PPP1R12A: variants seen among roughly 807,000 people sequenced by gnomAD.
PPP1R12A encodes myosin binding subunit.
PPP1R12A carries 19 observed loss-of-function variants against 139.6 expected under a neutral mutation model. The ratio of observed to expected loss-of-function variants is 0.14; its 90% CI spans 0.09 to 0.20. The LOEUF (loss-of-function observed/expected upper bound fraction) is 0.20, where lower values mean the gene tolerates loss of function less well. Among genes scored for constraint, PPP1R12A ranks in the 10% least tolerant of loss-of-function variants. PPP1R12A has a pLI of 1.00. For missense variants in PPP1R12A, 925 were observed against 1,211.5 expected, an observed-to-expected ratio of 0.76 and a Z score of 3.51; for synonymous variants, 427 against 420.6, an observed-to-expected ratio of 1.02 and a Z score of -0.19.
chr12:79,865,663 T>TA (rs1881878064), intron 2 of PPP1R12A, among the ~76,000 whole-genome samples: 1 of 152,116 alleles, frequency 6.6e-6, no homozygotes, highest in African/African-American at 2.4e-5. Flanking sequence ...CAAGCATCCC[T>TA]ATACACCAAA....
At chr12:79,863,211 C>G (rs979939816) in intron 2 of PPP1R12A, among the ~76,000 whole-genome samples, 3 of 152,092 alleles carry the variant, frequency 2.0e-5, no homozygotes, top group Admixed American at 1.3e-4. Context: ...CATATCCAGC[C>G]AAACTAAGCT....
intron 2 of PPP1R12A, among the ~76,000 whole-genome samples, chr12:79,847,774 G>C (rs1354312108): frequency 6.6e-6 from 1 of 152,090 alleles, no homozygotes; most frequent in Non-Finnish European, 1.5e-5. Context: ...AGTCAGAAAA[G>C]GATTCTCTGA....
At chr12:79,871,303 C>G (rs1882542284) in intron 2 of PPP1R12A, among the ~76,000 whole-genome samples, 1 of 152,174 alleles carries the variant, frequency 6.6e-6, no homozygotes, top group African/African-American at 2.4e-5. Flanking sequence ...GTGACCCAAT[C>G]AAGTCTATGC....
intron 1 of PPP1R12A, among the ~76,000 whole-genome samples, chr12:79,898,030 A>G (rs1398799196): frequency 6.6e-6 from 1 of 152,238 alleles, no homozygotes; most frequent in Non-Finnish European, 1.5e-5. Flanking sequence ...CTACCAGCAG[A>G]TATTTTTTAA....
chr12:79,881,751 A>C (rs1403583348), intron 1 of PPP1R12A, among the ~76,000 whole-genome samples: 1 of 152,186 alleles, frequency 6.6e-6, no homozygotes, highest in Non-Finnish European at 1.5e-5. Context: ...TTATAGCTTG[A>C]GAGGAGAAAT....
At chr12:79,928,442 TTTTA>T (rs1224091928) in intron 1 of PPP1R12A, among the ~76,000 whole-genome samples, 5 of 152,082 alleles carry the variant, frequency 3.3e-5, no homozygotes, top group Non-Finnish European at 7.4e-5. Context: ...GTTGGGAGGG[TTTTA>T]TTTGTTTGTT....
At chr12:79,903,450 CAA>C (rs35870019) in intron 1 of PPP1R12A, among the ~76,000 whole-genome samples, 2 of 134,062 alleles carry the variant, frequency 1.5e-5, no homozygotes, top group Non-Finnish European at 1.7e-5. Flanking sequence ...GACTCCATCT[CAA>C]AAAAAAAAAA....
chr12:79,821,982 A>G, intron 6 of PPP1R12A, 134 bp downstream of exon 6: 3 of 580,396 alleles, frequency 5.2e-6, no homozygotes, highest in Non-Finnish European at 6.0e-6. Context: ...ATTCTCTTTC[A>G]CTATCATTTA....
intron 1 of PPP1R12A, among the ~76,000 whole-genome samples, chr12:79,891,081 A>G (rs1031212871): frequency 3.3e-5 from 5 of 152,122 alleles, no homozygotes; most frequent in African/African-American, 1.2e-4. Flanking sequence ...GGGGAACTAC[A>G]TTCCTGAATC....
At chr12:79,818,213 CAAAT>C (rs1282954223) in intron 8 of PPP1R12A, among the ~76,000 whole-genome samples, 3 of 152,072 alleles carry the variant, frequency 2.0e-5, no homozygotes, top group African/African-American at 7.2e-5. Context: ...ATATAAATAA[CAAAT>C]AAGATAAACC....
intron 6 of PPP1R12A, among the ~76,000 whole-genome samples, chr12:79,821,608 CCAGG>C (rs1486685432): frequency 6.6e-6 from 1 of 152,004 alleles, no homozygotes; most frequent in Non-Finnish European, 1.5e-5. Context: ...AAAAAATTAG[CCAGG>C]CATGGTGGCG....
chr12:79,892,645 A>G (rs1240546481), intron 1 of PPP1R12A, among the ~76,000 whole-genome samples: 6 of 152,166 alleles, frequency 3.9e-5, no homozygotes, highest in Non-Finnish European at 5.9e-5. Context: ...TATCCTGTCA[A>G]AAGGGGAAGT....
chr12:79,846,379 T>C (rs758432657), intron 2 of PPP1R12A, among the ~76,000 whole-genome samples: 8 of 152,038 alleles, frequency 5.3e-5, no homozygotes, highest in Non-Finnish European at 7.4e-5. Flanking sequence ...TCTCCCAGAG[T>C]CATCTACTGA....
chr12:79,825,388 C>G (rs1196356893), intron 5 of PPP1R12A: 2 of 151,912 alleles, frequency 1.3e-5, no homozygotes, highest in African/African-American at 4.8e-5. Flanking sequence ...TAGATACATT[C>G]TAGTAAAGCA....
chr12:79,899,874 G>T (rs1885475633), intron 1 of PPP1R12A, among the ~76,000 whole-genome samples: 1 of 152,096 alleles, frequency 6.6e-6, no homozygotes, highest in South Asian at 2.1e-4. Flanking sequence ...ATTTCATGAT[G>T]CTCATATCAA....
At chr12:79,851,244 C>T (rs1019773052) in intron 2 of PPP1R12A, among the ~76,000 whole-genome samples, 5 of 152,182 alleles carry the variant, frequency 3.3e-5, no homozygotes, top group Middle Eastern at 6.8e-3. Flanking sequence ...GAAATAAATG[C>T]TATTTTCATT....
intron 19 of PPP1R12A, among the ~76,000 whole-genome samples, chr12:79,791,348 G>A (rs1871825885): frequency 6.6e-6 from 1 of 152,102 alleles, no homozygotes; most frequent in Non-Finnish European, 1.5e-5. Flanking sequence ...CTATTTTTGA[G>A]ATGAGGTGTC....
At chr12:79,783,303 A>C (rs898841453) in intron 22 of PPP1R12A, among the ~76,000 whole-genome samples, 6 of 150,550 alleles carry the variant, frequency 4.0e-5, no homozygotes, top group African/African-American at 1.5e-4. Flanking sequence ...ACCAAAAAAA[A>C]AAAAAAAAAA....
intron 1 of PPP1R12A, among the ~76,000 whole-genome samples, chr12:79,916,385 TAAGAC>T (rs1444162476): frequency 2.6e-5 from 4 of 152,148 alleles, no homozygotes; most frequent in African/African-American, 4.8e-5. Flanking sequence ...AATTCATTCT[TAAGAC>T]AGATATTCAT....
Sources: gnomAD v4.1 joint callset for allele counts (sites outside exome capture counted in the v4.1 genomes callset) on GRCh38, gnomAD v4.1.1 for gene constraint, MANE v1.5 for transcripts, NCBI Gene and HGNC (gene_info 2026-07-23, HGNC 2026-07-21) for gene names.